CDH12: variants seen among roughly 807,000 people sequenced by gnomAD.
CDH12 encodes the protein cadherin-12.
CDH12 carries 41 observed loss-of-function variants against 74.1 expected under a neutral mutation model. That is an observed-to-expected ratio of 0.55 (90% CI 0.43 to 0.72). CDH12 has a LOEUF of 0.72. CDH12 is among the 30% of genes least tolerant of loss of function. The probability of loss-of-function intolerance (pLI) is 0.00; values close to 1 mark genes in which losing one functional copy is unlikely to be tolerated. For missense variants in CDH12, 945 were observed against 977.2 expected (o/e 0.97, Z 0.44); for synonymous variants, 399 against 355.0 (o/e 1.12, Z -1.39).
intron 11 of CDH12, among the ~76,000 whole-genome samples, chr5:21,776,843 C>T (rs557790394): frequency 7.6e-4 from 116 of 152,244 alleles, no homozygotes; most frequent in African/African-American, 2.7e-3. Context: ...TGTGATGGCA[C>T]CATTGAGCAC....
At position 22,776,308 on chromosome 5, in the gene CDH12, T is replaced by C. The variant is rs564765441; in HGVS notation, c.-523+76750A>G. ...ACTATATTTTTGATCACTTATGTTATTTAATAATTAATTCAACACGATGTT... is the reference window on the plus strand; with the variant it reads ...ACTATATTTTTGATCACTTATGTTACTTAATAATTAATTCAACACGATGTT... On this transcript the variant is annotated intron_variant, in intron 1 of 14. Transcript: ENST00000382254. Among the ~76,000 whole-genome samples the C allele has an allele frequency of 3.9e-5, 6 of 152,298 alleles. No homozygotes were observed. The East Asian group carries it at 9.6e-4, about 24-fold the overall frequency.
intron 4 of CDH12, among the ~76,000 whole-genome samples, chr5:22,110,034 A>C (rs1744715055): frequency 6.6e-6 from 1 of 152,156 alleles, no homozygotes. Flanking sequence ...AGGGACTGGG[A>C]AGATAAAGTT....
intron 5 of CDH12, among the ~76,000 whole-genome samples, chr5:22,012,997 T>G (rs553305538): frequency 2.0e-5 from 3 of 147,352 alleles, no homozygotes; most frequent in Non-Finnish European, 4.5e-5. Flanking sequence ...ACATGGAAAT[T>G]GTATTACAAT....
At chr5:22,090,664 G>T (rs1318894073) in intron 4 of CDH12, among the ~76,000 whole-genome samples, 1 of 151,008 alleles carries the variant, frequency 6.6e-6, no homozygotes, top group African/African-American at 2.4e-5. Context: ...GAATATAAAT[G>T]TAAGAATTCT....
intron 3 of CDH12, among the ~76,000 whole-genome samples, chr5:22,365,255 T>A (rs1052448829): frequency 1.3e-5 from 2 of 152,188 alleles, no homozygotes; most frequent in Admixed American, 6.6e-5. Context: ...TTAGTACAGC[T>A]CAAGTATAAG....
At chr5:21,927,184 T>A (rs1193669124) in intron 6 of CDH12, among the ~76,000 whole-genome samples, 5 of 152,110 alleles carry the variant, frequency 3.3e-5, no homozygotes, top group South Asian at 2.1e-4. Context: ...AGGAGCAAAA[T>A]TTTAAATTAT....
At chr5:22,742,738 T>C (rs1745089348) in intron 1 of CDH12, among the ~76,000 whole-genome samples, 1 of 149,638 alleles carries the variant, frequency 6.7e-6, no homozygotes, top group East Asian at 1.9e-4. Flanking sequence ...TATATTATTT[T>C]ACTATGTTAT....
chr5:22,418,545 C>T (rs1455629139), intron 2 of CDH12, among the ~76,000 whole-genome samples: 8 of 152,120 alleles, frequency 5.3e-5, no homozygotes. Flanking sequence ...GGAATGCTTC[C>T]AATTTTTGCC....
intron 1 of CDH12, among the ~76,000 whole-genome samples, chr5:22,508,817 TTTGA>T (rs1449661763): frequency 6.6e-6 from 1 of 152,140 alleles, no homozygotes; most frequent in African/African-American, 2.4e-5. Context: ...CTTACATGTA[TTTGA>T]TTGATGTCTC....
At chr5:22,269,702 A>G (rs1736295576) in intron 3 of CDH12, among the ~76,000 whole-genome samples, 1 of 152,184 alleles carries the variant, frequency 6.6e-6, no homozygotes, top group East Asian at 1.9e-4. Flanking sequence ...TTCACCTGAA[A>G]TGACTTTCTG....
At chr5:22,814,474 T>C (rs1749294545) in intron 1 of CDH12, among the ~76,000 whole-genome samples, 1 of 152,196 alleles carries the variant, frequency 6.6e-6, no homozygotes, top group South Asian at 2.1e-4. Context: ...TGGATATCTC[T>C]GCTTTGACAT....
intron 1 of CDH12, among the ~76,000 whole-genome samples, chr5:22,566,701 C>T (rs931922329): frequency 6.6e-6 from 1 of 152,000 alleles, no homozygotes; most frequent in Non-Finnish European, 1.5e-5. Flanking sequence ...TGGGTCCTGA[C>T]GTAGTACATT....
chr5:21,871,958 T>C (rs1358414823), intron 6 of CDH12, among the ~76,000 whole-genome samples: 2 of 152,086 alleles, frequency 1.3e-5, no homozygotes, highest in African/African-American at 2.4e-5. Flanking sequence ...TAGATAATAA[T>C]GATATTGGAT....
intron 6 of CDH12, among the ~76,000 whole-genome samples, chr5:21,914,280 T>C (rs1287976422): frequency 1.3e-5 from 2 of 152,162 alleles, no homozygotes; most frequent in African/African-American, 4.8e-5. Flanking sequence ...TGAGAGGATA[T>C]TAAATAGTTT....
intron 1 of CDH12, among the ~76,000 whole-genome samples, chr5:22,761,140 G>T (rs1218111304): frequency 6.6e-6 from 1 of 152,114 alleles, no homozygotes. Context: ...AAAGATGCCT[G>T]ACTTGTCACT....
At chr5:22,266,313 T>A (rs1411161891) in intron 3 of CDH12, among the ~76,000 whole-genome samples, 1 of 152,010 alleles carries the variant, frequency 6.6e-6, no homozygotes, top group East Asian at 1.9e-4. Context: ...CCTCAGGTAA[T>A]CTGCCCACCT....
At chr5:22,793,087 G>A (rs1398296594) in intron 1 of CDH12, among the ~76,000 whole-genome samples, 1 of 152,170 alleles carries the variant, frequency 6.6e-6, no homozygotes, top group South Asian at 2.1e-4. Context: ...CTATATTTCC[G>A]TTCATGAAAT....
intron 6 of CDH12, among the ~76,000 whole-genome samples, chr5:21,886,505 C>A (rs1244679549): frequency 6.9e-6 from 1 of 144,992 alleles, no homozygotes; most frequent in Non-Finnish European, 1.5e-5. Context: ...AGAACAAAAC[C>A]TCAAAGAGTT....
chr5:22,096,588 C>T (rs991262508), intron 4 of CDH12, among the ~76,000 whole-genome samples: 3 of 152,126 alleles, frequency 2.0e-5, no homozygotes, highest in Admixed American at 2.0e-4. Flanking sequence ...GTCCGGCTTA[C>T]AGTTTCTTTC....
Sources: gnomAD v4.1 joint callset for allele counts (sites outside exome capture counted in the v4.1 genomes callset) on GRCh38, gnomAD v4.1.1 for gene constraint, MANE v1.5 for transcripts, NCBI Gene and HGNC (gene_info 2026-07-23, HGNC 2026-07-21) for gene names.